Variants in MAML3 observed in about 807,000 individuals in gnomAD.
MAML3 encodes the protein mastermind-like protein 3.
Under a neutral mutation model 101.9 loss-of-function variants are expected in MAML3, and 27 were observed. The ratio of observed to expected loss-of-function variants is 0.27; its 90% CI spans 0.20 to 0.37. MAML3 has a LOEUF of 0.37. MAML3 is among the 10% of genes least tolerant of loss of function. The probability of loss-of-function intolerance (pLI) is 1.00; values close to 1 mark genes in which losing one functional copy is unlikely to be tolerated. For synonymous variants in MAML3, 501 were observed against 555.9 expected (o/e 0.90, Z 1.39); for missense variants, 1,316 against 1,444.9 (o/e 0.91, Z 1.45).
In MAML3 at chr4:140,153,008, C is replaced by T; in HGVS notation, c.320G>A (p.Arg107His). ...CTGGTAGAGGCTCACGGTGTCCCGG[C>T]GCTCCAGCTCCAGCTGCTCCACCTG... is the stretch of plus-strand genomic sequence containing the variant. ...QAQVEQLELERRDTVSLYQRT... is the reference protein window; with the variant it reads ...QAQVEQLELEHRDTVSLYQRT... The change falls in exon 1 of 5, where the codon CGC (arginine) becomes CAC (histidine). Residue 107 changes from arginine to histidine, a missense_variant. Transcript: ENST00000509479. 1 of 1,605,290 alleles carries T rather than the reference C, an allele frequency of 6.2e-7. No individual in the cohort carries two copies. Among genetic ancestry groups the T allele is most frequent in the Non-Finnish European group, 8.5e-7 (1 of 1,176,126 alleles).
At chr4:139,910,785 A>G (rs1414406003) in intron 1 of MAML3, among the ~76,000 whole-genome samples, 2 of 152,220 alleles carry the variant, frequency 1.3e-5, no homozygotes, top group African/African-American at 4.8e-5. Flanking sequence ...GTCAGGAAGC[A>G]GGACCTATTG....
At chr4:139,955,541 T>C (rs1160247394) in intron 1 of MAML3, among the ~76,000 whole-genome samples, 2 of 152,222 alleles carry the variant, frequency 1.3e-5, no homozygotes, top group Non-Finnish European at 2.9e-5. Context: ...AAGTGCTACT[T>C]ACATTTGTTT....
intron 2 of MAML3, 166 bp from the exon 3 acceptor site, chr4:139,730,833 A>T (rs2646080): frequency 3.1e-6 from 2 of 635,150 alleles, no homozygotes; most frequent in Non-Finnish European, 5.5e-6. Context: ...TTCAAACCCG[A>T]CCTTACCTGA....
intron 2 of MAML3, among the ~76,000 whole-genome samples, chr4:139,756,407 T>C (rs1268230769): frequency 2.0e-5 from 3 of 152,186 alleles, no homozygotes; most frequent in Non-Finnish European, 4.4e-5. Context: ...TGTAACAGAA[T>C]CACACATGGC....
chr4:139,819,128 G>A (rs1730935168), intron 2 of MAML3, among the ~76,000 whole-genome samples: 1 of 152,174 alleles, frequency 6.6e-6, no homozygotes, highest in Non-Finnish European at 1.5e-5. Context: ...TACAGGTATG[G>A]AAAAGGATGG....
chr4:139,829,333 T>C (rs1266182593), intron 2 of MAML3, among the ~76,000 whole-genome samples: 1 of 152,186 alleles, frequency 6.6e-6, no homozygotes, highest in African/African-American at 2.4e-5. Flanking sequence ...CTTAAAGGAC[T>C]GAGGACTAGT....
At chr4:139,831,900 C>A (rs1303784470) in intron 2 of MAML3, among the ~76,000 whole-genome samples, 2 of 151,574 alleles carry the variant, frequency 1.3e-5, no homozygotes, top group African/African-American at 4.8e-5. Flanking sequence ...TCAAGCGATT[C>A]TCCTGCCTCA....
chr4:140,136,150 T>C (rs1204543563), intron 1 of MAML3, among the ~76,000 whole-genome samples: 1 of 152,132 alleles, frequency 6.6e-6, no homozygotes, highest in Admixed American at 6.5e-5. Flanking sequence ...TCCCCACTCA[T>C]TCCTGGGAGG....
intron 1 of MAML3, 55 bp downstream of exon 1, chr4:140,152,805 A>G: frequency 1.3e-6 from 2 of 1,515,822 alleles, no homozygotes; most frequent in Non-Finnish European, 1.8e-6. Context: ...CGCGCCCCCC[A>G]CCACCACCAC....
intron 1 of MAML3, among the ~76,000 whole-genome samples, chr4:140,138,354 G>GA (rs1241111642): frequency 1.3e-5 from 2 of 152,164 alleles, no homozygotes; most frequent in Non-Finnish European, 2.9e-5. Context: ...AAATGAACGT[G>GA]AAAAAATCCA....
At chr4:139,934,980 A>G (rs1289275117) in intron 1 of MAML3, among the ~76,000 whole-genome samples, 2 of 152,176 alleles carry the variant, frequency 1.3e-5, no homozygotes, top group Non-Finnish European at 2.9e-5. Context: ...AGGCACTTCC[A>G]TGAGAGTGTA....
At chr4:139,721,236 G>GCT (rs1302022164) in intron 4 of MAML3, among the ~76,000 whole-genome samples, 2 of 152,118 alleles carry the variant, frequency 1.3e-5, no homozygotes, top group African/African-American at 4.8e-5. Context: ...CCTTAATTAG[G>GCT]CATTTGAGTG....
intron 1 of MAML3, among the ~76,000 whole-genome samples, chr4:139,941,629 TGACTA>T (rs920260925): frequency 5.9e-5 from 9 of 152,062 alleles, no homozygotes; most frequent in African/African-American, 1.7e-4. Context: ...ATGATAGTAA[TGACTA>T]GACATCAACT....
chr4:140,098,993 T>C (rs1372611080), intron 1 of MAML3, among the ~76,000 whole-genome samples: 7 of 152,226 alleles, frequency 4.6e-5, no homozygotes, highest in African/African-American at 1.7e-4. Context: ...CCTTGATGTC[T>C]CGGTCTGTTC....
intron 1 of MAML3, among the ~76,000 whole-genome samples, chr4:139,934,004 T>C (rs980300702): frequency 6.6e-6 from 1 of 152,096 alleles, no homozygotes; most frequent in Admixed American, 6.6e-5. Context: ...TATATGTGAA[T>C]GAGTATGTGA....
intron 1 of MAML3, among the ~76,000 whole-genome samples, chr4:140,074,177 A>AAGAAAGAAAG (rs1560885440): frequency 2.2e-4 from 12 of 53,504 alleles, no homozygotes; most frequent in African/African-American, 4.5e-4. Flanking sequence ...GAAAGAAAGA[A>AAGAAAGAAAG]AGAGAGAGAG....
intron 1 of MAML3, among the ~76,000 whole-genome samples, chr4:139,976,205 G>A (rs1371115171): frequency 6.6e-6 from 1 of 152,196 alleles, no homozygotes; most frequent in African/African-American, 2.4e-5. Flanking sequence ...CAGCTCTCAG[G>A]AACACAAAAT....
At chr4:139,869,640 C>A (rs1253174891) in intron 2 of MAML3, among the ~76,000 whole-genome samples, 1 of 152,126 alleles carries the variant, frequency 6.6e-6, no homozygotes, top group Non-Finnish European at 1.5e-5. Flanking sequence ...CAAATACCAC[C>A]CCACCCCCGC....
In MAML3 at chr4:139,717,027, TAAAC is replaced by T. The variant is rs1162039192; in HGVS notation, c.*2292_*2295del. 1 of 152,570 alleles carries T rather than the reference TAAAC, an allele frequency of 6.6e-6. No individual in the cohort carries two copies. Among genetic ancestry groups the T allele is most frequent in the African/African-American group, 2.4e-5 (1 of 41,458 alleles). The allele number at this position is 152,570 out of a possible 1,614,324, so 9.5% of individuals were successfully genotyped here. A position where few individuals can be genotyped will look rare whatever the true frequency, so the allele number is the denominator to read the frequency against. ...GGAATGAAATAAAAATACTCTATTT[TAAAC>T]AAACAGTATATATATATTTATATGT... On this transcript the variant is annotated 3_prime_UTR_variant, in exon 5 of 5. Transcript: ENST00000509479.
Sources: allele counts gnomAD v4.1 joint callset (sites outside exome capture counted in the v4.1 genomes callset), GRCh38; gene constraint gnomAD v4.1.1; transcripts MANE v1.5; gene names NCBI Gene and HGNC (gene_info 2026-07-23, HGNC 2026-07-21).